The following ITGB3 variants were observed in gnomAD, a reference collection of about 807,000 sequenced individuals.
The protein encoded by ITGB3 is integrin beta-3.
Under a neutral mutation model 85.8 loss-of-function variants are expected in ITGB3, and 48 were observed. That is an observed-to-expected ratio of 0.56 (90% CI 0.44 to 0.71). The LOEUF (loss-of-function observed/expected upper bound fraction) is 0.71. ITGB3 is among the 30% of genes least tolerant of loss of function. The probability of loss-of-function intolerance (pLI) is 0.00; values close to 1 mark genes in which losing one functional copy is unlikely to be tolerated. For synonymous variants in ITGB3, 363 were observed against 395.6 expected, an observed-to-expected ratio of 0.92 and a Z score of 0.98; for missense variants, 861 against 1,019.1, an observed-to-expected ratio of 0.84 and a Z score of 2.11.
chr17:47,281,989 C>T (rs564923855), intron 2 of ITGB3, among the ~76,000 whole-genome samples: 4 of 152,276 alleles, frequency 2.6e-5, no homozygotes, highest in East Asian at 1.9e-4. Flanking sequence ...TGCTCTGTCA[C>T]CCAGGCTGGA....
rs73985150 is a variant in ITGB3 at position 47,261,964 on chromosome 17, T to C, written c.79+8024T>C. On this transcript the variant is annotated intron_variant, in intron 1 of 14. Transcript: ENST00000559488. ...AGAATTTACTTAACCAATTCCCTGT[T>C]GGCAGACATTGGGATCATTCCCAAT... Among the ~76,000 whole-genome samples, 539 of 152,386 alleles carry C rather than the reference T, an allele frequency of 3.5e-3. 2 individuals carry two copies. The highest frequency in any genetic ancestry group is 0.012 in the African/African-American group (511 of 41,586).
chr17:47,287,782 T>TA (rs1567765190), intron 6 of ITGB3, among the ~76,000 whole-genome samples: 1 of 152,058 alleles, frequency 6.6e-6, no homozygotes, highest in Non-Finnish European at 1.5e-5. Context: ...TTGTGGTTTG[T>TA]GCCTATGGTC....
Position 47,286,355 on chromosome 17 carries a change from G to A in ITGB3, c.710G>A (p.Ser237Asn). The A allele has an allele frequency of 6.2e-7, 1 of 1,614,224 alleles. No individual in the cohort carries two copies. The highest frequency in any genetic ancestry group is 1.3e-5 in the African/African-American group (1 of 75,066). Residue 237 changes from serine to asparagine, a missense_variant, in exon 5 of 15, where the codon AGT becomes AAT. Transcript: ENST00000559488. The part of the protein sequence containing the change: ...TRFNEEVKKQ[S>N]VSRNRDAPEG... ...TTCAATGAGGAAGTGAAGAAGCAGA[G>A]TGTGTCACGGAACCGAGATGCCCCA...
intron 2 of ITGB3, among the ~76,000 whole-genome samples, chr17:47,275,104 G>A (rs1181231531): frequency 6.6e-6 from 1 of 152,180 alleles, no homozygotes; most frequent in African/African-American, 2.4e-5. Context: ...GAGAAATCTT[G>A]TGCTTGTGTG....
chr17:47,274,532 C>A (rs761574328), intron 2 of ITGB3, 28 bp downstream of exon 2: 7 of 1,589,394 alleles, frequency 4.4e-6, no homozygotes, highest in Non-Finnish European at 6.0e-6. Flanking sequence ...GACCTTGTTT[C>A]TTCTCCAGAC....
At position 47,299,937 on chromosome 17, in the gene ITGB3, G is replaced by A. The variant is rs182478857; in HGVS notation, c.1913+407G>A. ...TTAGGGGCCAGAGGAAGCCCCATCA[G>A]CCTGAGTCCATGGCACTGCCATTCT... On this transcript the variant is annotated intron_variant, in intron 11 of 14. Transcript: ENST00000559488. This position sits in a 1 kb window ranked among gnomAD's most constrained non-coding sequence, Gnocchi z 5.1. Among the ~76,000 whole-genome samples the A allele has an allele frequency of 2.3e-3, 352 of 152,340 alleles. 3 individuals carry two copies. The South Asian group carries it at 0.028, about 12-fold the overall frequency.
At chr17:47,262,674 G>A (rs1269780856) in intron 1 of ITGB3, among the ~76,000 whole-genome samples, 1 of 152,188 alleles carries the variant, frequency 6.6e-6, no homozygotes, top group African/African-American at 2.4e-5. Context: ...TGGCTCAGTG[G>A]CATTGGTTGG....
intron 10 of ITGB3, among the ~76,000 whole-genome samples, chr17:47,296,735 G>A (rs2143124026): frequency 6.6e-6 from 1 of 152,268 alleles, no homozygotes; most frequent in Non-Finnish European, 1.5e-5. Flanking sequence ...ACATCCTAAT[G>A]TACAGGACAG....
chr17:47,283,727 G>C (rs1041939859), intron 3 of ITGB3, among the ~76,000 whole-genome samples, 178 bp downstream of exon 3: 8 of 152,360 alleles, frequency 5.3e-5, no homozygotes, highest in Non-Finnish European at 8.8e-5. Flanking sequence ...GTTAGGACTT[G>C]AGTCAGAAGA....
chr17:47,295,311 A>G (rs919225191), intron 10 of ITGB3, among the ~76,000 whole-genome samples: 2 of 152,066 alleles, frequency 1.3e-5, no homozygotes, highest in Non-Finnish European at 2.9e-5. Context: ...ACAGGAGTGG[A>G]GCGAGCATCA....
intron 1 of ITGB3, among the ~76,000 whole-genome samples, chr17:47,255,190 G>C (rs2064984634): frequency 6.6e-6 from 1 of 151,954 alleles, no homozygotes; most frequent in Non-Finnish European, 1.5e-5. Flanking sequence ...TGTTGGCCAG[G>C]CTGGTCTGGA....
chr17:47,291,544 G>C (rs1598694222), intron 9 of ITGB3: 1 of 288,756 alleles, frequency 3.5e-6, no homozygotes, highest in East Asian at 8.3e-5. Flanking sequence ...TCTGCCTAAG[G>C]GGAGAGGGGT....
rs752525603 is a variant in ITGB3 at position 47,253,877 on chromosome 17, C to G, written c.16C>G (p.Arg6Gly). Residue 6 changes from arginine to glycine, a missense_variant, in exon 1 of 15, where the codon CGG becomes GGG. Physicochemically the swap from Arg to Gly is moderately radical, Grantham distance 125. Transcript: ENST00000559488. Reference sequence around the variant, plus strand: ...GGCGGACGAGATGCGAGCGCGGCCGCGGCCCCGGCCGCTCTGGGCGACTGT... The same window carrying G: ...GGCGGACGAGATGCGAGCGCGGCCGGGGCCCCGGCCGCTCTGGGCGACTGT... MRARP[R>G]PRPLWATVLA... 2.4e-6 allele frequency: 3 copies of G among 1,254,010 alleles called. No homozygotes were observed. The African/African-American group carries it at 4.7e-5, about 20-fold the overall frequency. The allele number at this position is 1,254,010 out of a possible 1,614,324, so 77.7% of individuals were successfully genotyped here. A position where few individuals can be genotyped will look rare whatever the true frequency, so the allele number is the denominator to read the frequency against.
chr17:47,282,097 C>T (rs1183280886), intron 2 of ITGB3, among the ~76,000 whole-genome samples: 8 of 152,044 alleles, frequency 5.3e-5, no homozygotes, highest in Non-Finnish European at 7.4e-5. Flanking sequence ...TACAGGTGCA[C>T]GCCACCACAC....
intron 10 of ITGB3, among the ~76,000 whole-genome samples, chr17:47,296,873 CT>C (rs1344914600): frequency 6.6e-6 from 1 of 152,172 alleles, no homozygotes; most frequent in Non-Finnish European, 1.5e-5. Context: ...AGATGACTTA[CT>C]TATCTAGAGA....
chr17:47,263,616 A>G (rs2065016161), intron 1 of ITGB3, among the ~76,000 whole-genome samples: 2 of 151,980 alleles, frequency 1.3e-5, no homozygotes, highest in East Asian at 1.9e-4. Context: ...CAGCCTCCCA[A>G]GTAGCTGGGA....
At chr17:47,273,905 C>T (rs1411372580) in intron 1 of ITGB3, among the ~76,000 whole-genome samples, 1 of 152,176 alleles carries the variant, frequency 6.6e-6, no homozygotes, top group Non-Finnish European at 1.5e-5. Context: ...TTTTCTTTTG[C>T]CAGTCAGTGG....
rs560559052 is a variant in ITGB3 at position 47,312,709 on chromosome 17, C to A, written c.*2505C>A. On this transcript the variant is annotated 3_prime_UTR_variant, in exon 15 of 15. Coordinates refer to ENST00000559488, the MANE Select transcript of ITGB3 (RefSeq NM_000212.3). ...GAATGAAGTTCACAGGTCTTGAAGA[C>A]CAATATTATTTGTCAATATGTGGGG... Among the ~76,000 whole-genome samples the A allele has an allele frequency of 7.2e-5, 11 of 152,272 alleles. No homozygotes were observed. The East Asian group carries it at 1.9e-3, about 27-fold the overall frequency.
chr17:47,270,479 G>A (rs2065040493), intron 1 of ITGB3, among the ~76,000 whole-genome samples: 3 of 152,250 alleles, frequency 2.0e-5, no homozygotes, highest in Admixed American at 2.0e-4. Context: ...TGGCCAGGCA[G>A]CTCATGCAGG....
Sources: allele counts gnomAD v4.1 joint callset (sites outside exome capture counted in the v4.1 genomes callset), GRCh38; gene constraint gnomAD v4.1.1; non-coding constraint Gnocchi (gnomAD v3.1); transcripts MANE v1.5; gene names NCBI Gene and HGNC (gene_info 2026-07-23, HGNC 2026-07-21).